The following ALK variants were observed in gnomAD, a reference collection of about 807,000 sequenced individuals.
ALK encodes the protein ALK receptor tyrosine kinase.
ALK carries 74 observed loss-of-function variants against 163.1 expected under a neutral mutation model. That is an observed-to-expected ratio of 0.45 (90% CI 0.38 to 0.55). ALK has a LOEUF of 0.55. Ranked by LOEUF, ALK falls within the 20% of genes least tolerant of loss-of-function variation. The pLI, the probability that ALK is intolerant of heterozygous loss-of-function variation, is 0.00. For synonymous variants in ALK, 960 were observed against 843.2 expected (o/e 1.14, Z -2.40); for missense variants, 2,063 against 2,105.3 (o/e 0.98, Z 0.39).
chr2:29,891,548 A>G (rs1667146370), intron 1 of ALK, among the ~76,000 whole-genome samples: 1 of 152,220 alleles, frequency 6.6e-6, no homozygotes, highest in Admixed American at 6.5e-5. Flanking sequence ...GGCCTTAGAG[A>G]TCACTCTATC....
At chr2:29,720,239 G>A (rs1232553204) in intron 1 of ALK, among the ~76,000 whole-genome samples, 1 of 151,982 alleles carries the variant, frequency 6.6e-6, no homozygotes, top group Non-Finnish European at 1.5e-5. Context: ...TCAAAAGGAA[G>A]GGCTCTGAGG....
At chr2:29,449,935 T>C (rs1054496260) in intron 4 of ALK, among the ~76,000 whole-genome samples, 7 of 152,220 alleles carry the variant, frequency 4.6e-5, no homozygotes, top group Admixed American at 3.3e-4. Flanking sequence ...GTCTTGAAGA[T>C]GGGCTAATGG....
intron 3 of ALK, among the ~76,000 whole-genome samples, chr2:29,582,183 A>T (rs1423182031): frequency 6.6e-6 from 1 of 152,228 alleles, no homozygotes; most frequent in Admixed American, 6.5e-5. Flanking sequence ...GAAGAGGATG[A>T]GTGCCTATGA....
At chr2:29,233,746 A>G (rs1269907441) in intron 13 of ALK, 50 bp from the exon 14 acceptor site, 7 of 1,613,012 alleles carry the variant, frequency 4.3e-6, no homozygotes, top group Non-Finnish European at 5.9e-6. Flanking sequence ...AGAGTTCTCC[A>G]CTTTGCAGCA....
chr2:29,200,765 A>ATATACG (rs1208335674), intron 26 of ALK, among the ~76,000 whole-genome samples: 1 of 143,794 alleles, frequency 7.0e-6, no homozygotes, highest in African/African-American at 2.6e-5. Context: ...ATATATGTAT[A>ATATACG]TATATACGTA....
intron 1 of ALK, among the ~76,000 whole-genome samples, chr2:29,823,099 AT>A (rs888294146): frequency 1.3e-5 from 2 of 152,176 alleles, no homozygotes; most frequent in Admixed American, 1.3e-4. Flanking sequence ...CTGATAGTGA[AT>A]AAGTCTCATG....
At chr2:29,409,228 T>C (rs1025969632) in intron 4 of ALK, among the ~76,000 whole-genome samples, 1 of 152,220 alleles carries the variant, frequency 6.6e-6, no homozygotes, top group African/African-American at 2.4e-5. Context: ...GCTTCACTAT[T>C]AGCCTCTAGT....
intron 23 of ALK, among the ~76,000 whole-genome samples, chr2:29,216,131 C>T (rs1036145486): frequency 1.3e-5 from 2 of 152,218 alleles, no homozygotes; most frequent in African/African-American, 2.4e-5. Flanking sequence ...TGCATCATCC[C>T]TCCTGCGGCA....
intron 4 of ALK, among the ~76,000 whole-genome samples, chr2:29,462,741 T>C (rs1190459383): frequency 6.6e-6 from 1 of 152,134 alleles, no homozygotes; most frequent in Non-Finnish European, 1.5e-5. Flanking sequence ...TGAGAAGAAA[T>C]GCAAGAGTTA....
At chr2:29,578,506 C>T (rs1192918735) in intron 3 of ALK, among the ~76,000 whole-genome samples, 1 of 152,136 alleles carries the variant, frequency 6.6e-6, no homozygotes, top group Non-Finnish European at 1.5e-5. Flanking sequence ...GATGGTTATT[C>T]CAGTGTTTTC....
chr2:29,229,181 C>G, intron 15 of ALK, 115 bp from the exon 16 acceptor site: 1 of 902,158 alleles, frequency 1.1e-6, no homozygotes, highest in Middle Eastern at 2.8e-4. Flanking sequence ...AGCTCCAGCT[C>G]CCGGGGCCCA....
chr2:29,515,584 C>A (rs1672639672), intron 4 of ALK, among the ~76,000 whole-genome samples: 1 of 152,124 alleles, frequency 6.6e-6, no homozygotes, highest in African/African-American at 2.4e-5. Flanking sequence ...TAGGGGGAGG[C>A]ATAATGGGAT....
At chr2:29,564,079 A>T (rs1674104839) in intron 3 of ALK, among the ~76,000 whole-genome samples, 1 of 152,030 alleles carries the variant, frequency 6.6e-6, no homozygotes, top group South Asian at 2.1e-4. Flanking sequence ...GGCTCCCTGA[A>T]ATATTATGGG....
At chr2:29,401,480 A>G (rs1456149422) in intron 4 of ALK, among the ~76,000 whole-genome samples, 2 of 152,212 alleles carry the variant, frequency 1.3e-5, no homozygotes, top group Admixed American at 6.5e-5. Flanking sequence ...TTGCCTGTTC[A>G]TAGAATTGTA....
intron 7 of ALK, among the ~76,000 whole-genome samples, 190 bp from the exon 8 acceptor site, chr2:29,318,594 T>C (rs187577245): frequency 6.7e-6 from 1 of 148,270 alleles, no homozygotes; most frequent in Non-Finnish European, 1.5e-5. Context: ...TGAGACAGAG[T>C]CTTGCTCTGT....
intron 9 of ALK, among the ~76,000 whole-genome samples, chr2:29,295,440 C>A (rs1452308706): frequency 6.6e-6 from 1 of 152,190 alleles, no homozygotes; most frequent in African/African-American, 2.4e-5. Context: ...CCACAATCCC[C>A]AAAGACAAAA....
At chr2:29,689,316 G>A (rs1357896142) in intron 3 of ALK, among the ~76,000 whole-genome samples, 3 of 152,200 alleles carry the variant, frequency 2.0e-5, no homozygotes, top group Admixed American at 6.5e-5. Flanking sequence ...CTTATTTGCA[G>A]CCTGCAGTGA....
intron 3 of ALK, among the ~76,000 whole-genome samples, chr2:29,538,606 T>C (rs1379515040): frequency 6.6e-6 from 1 of 152,148 alleles, no homozygotes; most frequent in Admixed American, 6.5e-5. Context: ...GGTGTTCCTT[T>C]ACAGTGACAC....
intron 8 of ALK, among the ~76,000 whole-genome samples, chr2:29,302,453 G>T (rs552117760): frequency 6.6e-6 from 1 of 152,356 alleles, no homozygotes; most frequent in South Asian, 2.1e-4. Flanking sequence ...GGGAGGCGGA[G>T]GTTGCAGTGA....
Sources: gnomAD v4.1 joint callset for allele counts (sites outside exome capture counted in the v4.1 genomes callset) on GRCh38, gnomAD v4.1.1 for gene constraint, MANE v1.5 for transcripts, NCBI Gene and HGNC (gene_info 2026-07-23, HGNC 2026-07-21) for gene names.